Variants in RYR3 observed in about 807,000 individuals in gnomAD.
RYR3 encodes the protein brain ryanodine receptor-calcium release channel.
A neutral mutation model predicts 584.3 loss-of-function variants in RYR3; 207 were observed. That is an observed-to-expected ratio of 0.35 (90% confidence interval 0.32 to 0.40). The LOEUF (loss-of-function observed/expected upper bound fraction) is 0.40. RYR3 is among the 10% of genes least tolerant of loss of function. RYR3 has a pLI of 1.00. For missense variants in RYR3, 5,616 were observed against 6,089.2 expected, an observed-to-expected ratio of 0.92 and a Z score of 2.59; for synonymous variants, 2,416 against 2,248.5, an observed-to-expected ratio of 1.07 and a Z score of -2.11.
chr15:33,410,227 C>T (rs567747037), intron 1 of RYR3, among the ~76,000 whole-genome samples: 2 of 152,168 alleles, frequency 1.3e-5, no homozygotes, highest in Middle Eastern at 3.2e-3. Context: ...GGCTGATCTG[C>T]TAGCTCATCA....
chr15:33,529,649 A>G (rs2054684551), intron 3 of RYR3, among the ~76,000 whole-genome samples: 1 of 151,988 alleles, frequency 6.6e-6, no homozygotes, highest in Non-Finnish European at 1.5e-5. Flanking sequence ...ATGCTCAAAT[A>G]TTTTCTCCAA....
chr15:33,757,597 G>C lies in RYR3; in HGVS notation c.8705+1G>C. ...ATAAGGAGAAAGAAATGGTGGCCGG[G>C]TGAGTCTACAAGATAAAGGGAAGGT... On this transcript the variant is annotated splice_donor_variant, in intron 60 of 103. Transcript: ENST00000634891. LOFTEE classifies it high-confidence loss of function. The C allele has an allele frequency of 6.2e-7, 1 of 1,609,508 alleles. No individual in the cohort carries two copies. Among genetic ancestry groups the C allele is most frequent in the Non-Finnish European group, 8.5e-7 (1 of 1,178,130 alleles).
In RYR3 at chr15:33,539,399, A is replaced by G; in HGVS notation, c.483A>G (p.Glu161=). The change falls in exon 6 of 104, where the codon GAA becomes GAG. Residue 161 remains glutamate (E), a synonymous_variant. Transcript: ENST00000634891. ...ATCCTGCTTCCAAACAGAGGTCCGA[A>G]GGAGAGAAAGTTCGAATTGGCGATG... ...TIHPASKQRS[E]GEKVRIGDDL... The G allele has an allele frequency of 3.1e-6, 5 of 1,603,312 alleles. No individual in the cohort carries two copies. The highest frequency in any genetic ancestry group is 4.3e-6 in the Non-Finnish European group (5 of 1,174,654).
At chr15:33,794,469 AT>A (rs2075465693) in intron 67 of RYR3, among the ~76,000 whole-genome samples, 1 of 150,958 alleles carries the variant, frequency 6.6e-6, no homozygotes, top group Non-Finnish European at 1.5e-5. Flanking sequence ...CCATATCATA[AT>A]AACGTTAGCA....
At chr15:33,385,181 C>T (rs1184000579) in intron 1 of RYR3, among the ~76,000 whole-genome samples, 1 of 152,162 alleles carries the variant, frequency 6.6e-6, no homozygotes, top group African/African-American at 2.4e-5. Flanking sequence ...CCATTTCACT[C>T]ACGGAAATGA....
intron 3 of RYR3, among the ~76,000 whole-genome samples, chr15:33,527,430 A>AT (rs1385239888): frequency 2.6e-5 from 4 of 152,114 alleles, no homozygotes; most frequent in African/African-American, 9.7e-5. Context: ...AAATACAAAA[A>AT]TTAGCTGGGT....
chr15:33,624,558 A>G (rs1206952919), intron 20 of RYR3, among the ~76,000 whole-genome samples: 1 of 152,218 alleles, frequency 6.6e-6, no homozygotes, highest in Admixed American at 6.5e-5. Flanking sequence ...ACAGGTGGCA[A>G]TGCGTATTCT....
chr15:33,502,588 C>A (rs780872699), intron 2 of RYR3, among the ~76,000 whole-genome samples: 1 of 152,176 alleles, frequency 6.6e-6, no homozygotes. Context: ...TCCAGAAAGG[C>A]AGTGGTTTTG....
rs75327790 is a variant in RYR3 at position 33,542,860 on chromosome 15, C to T, written c.647-762C>T. Among the ~76,000 whole-genome samples, 924 of 152,206 alleles carry T rather than the reference C, an allele frequency of 6.1e-3. 13 individuals are homozygous for T. The highest frequency in any genetic ancestry group is 0.021 in the African/African-American group (873 of 41,526). ...CCATTTCTTGGAGCAAGGTAAAGCT[C>T]GGACTGGAGCCCCTCTCCTGCTACT... On this transcript the variant is annotated intron_variant, in intron 7 of 103. Coordinates refer to ENST00000634891, the MANE Select transcript of RYR3 (RefSeq NM_001036.6).
At chr15:33,530,792 G>A (rs2054803362) in intron 4 of RYR3, 126 bp downstream of exon 4, 4 of 707,206 alleles carry the variant, frequency 5.7e-6, no homozygotes, top group African/African-American at 1.8e-5. Context: ...ATTTTAGCAC[G>A]TTATCCTCTT....
intron 1 of RYR3, among the ~76,000 whole-genome samples, chr15:33,402,027 A>C (rs2042709167): frequency 1.3e-5 from 2 of 152,230 alleles, no homozygotes; most frequent in African/African-American, 4.8e-5. Context: ...TCCCATGATT[A>C]TTATAAAATA....
rs117146095 is a variant in RYR3, at chr15:33,532,707, C to G, written c.355-604C>G. Among the ~76,000 whole-genome samples the G allele has an allele frequency of 4.1e-3, 627 of 152,256 alleles. 5 individuals carry two copies. The highest frequency in any genetic ancestry group is 0.01 in the Middle Eastern group (3 of 294). On this transcript the variant is annotated intron_variant, in intron 4 of 103. Coordinates refer to ENST00000634891, the MANE Select transcript of RYR3 (RefSeq NM_001036.6). ...TATTGTTCCTAATTTAAAAGTTTCT[C>G]AACATCTTTAAGGCATCTTTAATAT...
chr15:33,383,012 T>C (rs762769439), intron 1 of RYR3, among the ~76,000 whole-genome samples: 2 of 152,072 alleles, frequency 1.3e-5, no homozygotes, highest in African/African-American at 4.8e-5. Context: ...CTCTGACAGA[T>C]TTGAAATAAG....
chr15:33,695,005 G>A (rs190228634), intron 38 of RYR3, among the ~76,000 whole-genome samples: 3 of 152,352 alleles, frequency 2.0e-5, no homozygotes, highest in Admixed American at 1.3e-4. Flanking sequence ...CTATAGTGAT[G>A]TGGAGTAGAA....
chr15:33,337,082 A>AAAAAAAG (rs1971204225), intron 1 of RYR3, among the ~76,000 whole-genome samples: 1 of 139,548 alleles, frequency 7.2e-6, no homozygotes, highest in African/African-American at 2.6e-5. Flanking sequence ...AAAAAAAAAA[A>AAAAAAAG]GTTTATAAAA....
At chr15:33,857,198 CTT>C (rs1198264086) in intron 98 of RYR3, among the ~76,000 whole-genome samples, 1 of 151,726 alleles carries the variant, frequency 6.6e-6, no homozygotes, top group Non-Finnish European at 1.5e-5. Context: ...ACAGAAATGT[CTT>C]TTCGACAGTT....
chr15:33,851,823 A>C (rs1236754335), intron 94 of RYR3: 2 of 152,074 alleles, frequency 1.3e-5, no homozygotes, highest in Non-Finnish European at 2.9e-5. Context: ...TATTTGTTTT[A>C]TTTTCAATTT....
chr15:33,848,497 C>A, intron 94 of RYR3, 76 bp downstream of exon 94: 2 of 1,493,004 alleles, frequency 1.3e-6, no homozygotes, highest in South Asian at 1.4e-5. Context: ...TCCTCCTGGC[C>A]TTAAAACTGG....
At chr15:33,630,408 T>A (rs4780137) in intron 22 of RYR3, among the ~76,000 whole-genome samples, 23,330 of 152,206 alleles carry the variant, frequency 0.15, 2,022 homozygotes, top group African/African-American at 0.21. Flanking sequence ...TTTAAAATAA[T>A]TTTCGCTTCT....
Sources: gnomAD v4.1 joint callset for allele counts (sites outside exome capture counted in the v4.1 genomes callset) on GRCh38, gnomAD v4.1.1 for gene constraint, MANE v1.5 for transcripts, NCBI Gene and HGNC (gene_info 2026-07-23, HGNC 2026-07-21) for gene names.